Variants in GAS7 observed in about 807,000 individuals in gnomAD.
GAS7 encodes growth arrest specific 7, also known as growth arrest-specific protein 7.
A neutral mutation model predicts 71.1 loss-of-function variants in GAS7; 28 were observed. That is an observed-to-expected ratio of 0.39 (90% CI 0.29 to 0.54). The LOEUF (loss-of-function observed/expected upper bound fraction) is 0.54, where lower values mean the gene tolerates loss of function less well. GAS7 is among the 20% of genes least tolerant of loss of function. The pLI is 0.62. For synonymous variants in GAS7, 258 were observed against 245.8 expected, an observed-to-expected ratio of 1.05 and a Z score of -0.46; for missense variants, 436 against 627.8, an observed-to-expected ratio of 0.69 and a Z score of 3.27.
intron 1 of GAS7, among the ~76,000 whole-genome samples, chr17:10,037,441 TTA>T (rs2072776379): frequency 6.6e-6 from 1 of 150,460 alleles, no homozygotes; most frequent in Admixed American, 6.7e-5. Flanking sequence ...AACTGATTCT[TTA>T]TATAGAATTA....
intron 5 of GAS7, among the ~76,000 whole-genome samples, chr17:9,950,172 C>T (rs1470925905): frequency 6.6e-6 from 1 of 152,010 alleles, no homozygotes; most frequent in Non-Finnish European, 1.5e-5. Flanking sequence ...CCTCTTTCTC[C>T]TTTTCAAAAT....
At chr17:9,968,104 T>C (rs1263616038) in intron 4 of GAS7, among the ~76,000 whole-genome samples, 2 of 152,230 alleles carry the variant, frequency 1.3e-5, no homozygotes, top group Non-Finnish European at 2.9e-5. Context: ...CATCAGAATT[T>C]AGGCTGATGT....
chr17:10,091,727 G>C (rs2073584206), intron 1 of GAS7, among the ~76,000 whole-genome samples: 1 of 152,066 alleles, frequency 6.6e-6, no homozygotes, highest in Admixed American at 6.6e-5. Context: ...TGTCACCCAG[G>C]CTGGAGTGCA....
At chr17:10,198,135 A>T in intron 1 of GAS7, 73 bp downstream of exon 1, 1 of 1,449,516 alleles carries the variant, frequency 6.9e-7, no homozygotes, top group Non-Finnish European at 9.5e-7. Flanking sequence ...GCATCCCCGG[A>T]ACGGGCAACA....
At position 9,954,657 on chromosome 17, in the gene GAS7, G is replaced by T. The variant is rs186603326; in HGVS notation, c.525+4545C>A. Among the ~76,000 whole-genome samples, 4 of 152,246 alleles carry T rather than the reference G, an allele frequency of 2.6e-5. No individual in the cohort carries two copies. The East Asian group carries it at 7.7e-4, about 29-fold the overall frequency. Reference sequence around the variant, plus strand: ...ATCTAGCAACGTGGAGACATTTTTGGTTGTCACAGCTGTGTGGGGTCGAGG... The same window carrying T: ...ATCTAGCAACGTGGAGACATTTTTGTTTGTCACAGCTGTGTGGGGTCGAGG... On this transcript the variant is annotated intron_variant, in intron 5 of 13. Coordinates refer to ENST00000432992, the MANE Select transcript of GAS7 (RefSeq NM_201433.2).
At chr17:10,036,753 C>A in intron 1 of GAS7, 1 of 1,211,712 alleles carries the variant, frequency 8.3e-7, no homozygotes, top group Non-Finnish European at 1.0e-6. Flanking sequence ...TTTCTGGAGG[C>A]CTTTCTTTTT....
intron 1 of GAS7, among the ~76,000 whole-genome samples, chr17:10,165,640 A>G (rs985318734): frequency 6.6e-6 from 1 of 152,214 alleles, no homozygotes; most frequent in Admixed American, 6.5e-5. Flanking sequence ...TTTTAAAATA[A>G]AACTGCACCC....
intron 3 of GAS7, among the ~76,000 whole-genome samples, chr17:9,976,673 G>A (rs2070218223): frequency 6.6e-6 from 1 of 152,180 alleles, no homozygotes; most frequent in African/African-American, 2.4e-5. Context: ...GGTTCCCTGA[G>A]GCTACTGGAG....
At chr17:9,930,265 G>A (rs968414176) in intron 9 of GAS7, among the ~76,000 whole-genome samples, 1 of 152,202 alleles carries the variant, frequency 6.6e-6, no homozygotes, top group East Asian at 1.9e-4. Flanking sequence ...GACAGGTTCT[G>A]AATGCTCACA....
At chr17:10,151,840 C>T (rs2074168961) in intron 1 of GAS7, among the ~76,000 whole-genome samples, 1 of 152,220 alleles carries the variant, frequency 6.6e-6, no homozygotes, top group African/African-American at 2.4e-5. Context: ...GCCACCATAA[C>T]CCAACCTAAA....
intron 6 of GAS7, among the ~76,000 whole-genome samples, chr17:9,943,589 G>A (rs1001808491): frequency 1.3e-5 from 2 of 152,164 alleles, no homozygotes; most frequent in South Asian, 2.1e-4. Context: ...CTTGGCCCTC[G>A]GCGAATCTTG....
intron 1 of GAS7, among the ~76,000 whole-genome samples, chr17:10,178,078 A>C (rs531012794): frequency 6.6e-6 from 1 of 152,220 alleles, no homozygotes; most frequent in African/African-American, 2.4e-5. Context: ...GGATTCCTGG[A>C]GGGAGTGATC....
rs935089229 is a variant in GAS7, at chr17:10,103,187, T to TA, written c.184-83291dup. 1.3e-4 allele frequency among the ~76,000 whole-genome samples: 20 copies of TA among 151,770 alleles called. No homozygotes were observed. Among genetic ancestry groups the TA allele is most frequent in the Admixed American group, 9.8e-4 (15 of 15,240 alleles). On this transcript the variant is annotated intron_variant, in intron 1 of 13. Transcript: ENST00000432992. The surrounding 1 kb of genome is among the most constrained non-coding windows in gnomAD (Gnocchi z 5.5). ...GGGCAATATGGCAAAACCCCTCCTC[T>TA]AAAAAAATTAGCCAGGCGTGGTGGT...
chr17:10,140,427 C>A (rs1408154781), intron 1 of GAS7, among the ~76,000 whole-genome samples: 1 of 152,106 alleles, frequency 6.6e-6, no homozygotes, highest in African/African-American at 2.4e-5. Context: ...CCACTGCACT[C>A]CAGCCTGGGT....
At chr17:10,072,523 G>A (rs895136403) in intron 1 of GAS7, among the ~76,000 whole-genome samples, 8 of 152,208 alleles carry the variant, frequency 5.3e-5, no homozygotes, top group African/African-American at 1.9e-4. Context: ...AGCCAAGGCA[G>A]GAGTCCCATG....
intron 1 of GAS7, among the ~76,000 whole-genome samples, chr17:10,181,123 A>G (rs1286347140): frequency 6.7e-6 from 1 of 150,128 alleles, no homozygotes; most frequent in Non-Finnish European, 1.5e-5. Flanking sequence ...GCACTTTGGG[A>G]GGCCAAGGCG....
intron 9 of GAS7, among the ~76,000 whole-genome samples, chr17:9,928,708 C>T (rs1290293964): frequency 2.6e-5 from 4 of 152,256 alleles, no homozygotes; most frequent in Non-Finnish European, 5.9e-5. Flanking sequence ...ACAACCAGGA[C>T]TTAGGTGTCC....
At chr17:10,056,227 G>C (rs2073134583) in intron 1 of GAS7, among the ~76,000 whole-genome samples, 1 of 152,090 alleles carries the variant, frequency 6.6e-6, no homozygotes, top group South Asian at 2.1e-4. Flanking sequence ...AGGCATGGTG[G>C]TGTGTGCCTG....
chr17:10,016,602 C>CAAAAAAAAAAAAAAAAAA (rs1158379710), intron 2 of GAS7, among the ~76,000 whole-genome samples: 11 of 84,712 alleles, frequency 1.3e-4, no homozygotes, highest in African/African-American at 3.3e-4. Context: ...CTGTCTCTAC[C>CAAAAAAAAAAAAAAAAAA]AAAAAAAAAA....
Sources: gnomAD v4.1 joint callset for allele counts (sites outside exome capture counted in the v4.1 genomes callset) on GRCh38, gnomAD v4.1.1 for gene constraint, Gnocchi (gnomAD v3.1) non-coding constraint, MANE v1.5 for transcripts, NCBI Gene and HGNC (gene_info 2026-07-23, HGNC 2026-07-21) for gene names.